The following PEX3 variants were observed in gnomAD, a reference collection of about 807,000 sequenced individuals.
The protein encoded by PEX3 is peroxin-3.
PEX3 carries 30 observed loss-of-function variants against 55.8 expected under a neutral mutation model. The ratio of observed to expected loss-of-function variants is 0.54; its 90% CI spans 0.40 to 0.73. The LOEUF is 0.73. Among genes scored for constraint, PEX3 ranks in the 30% least tolerant of loss-of-function variants. The pLI, the probability that PEX3 is intolerant of heterozygous loss-of-function variation, is 0.00. For missense variants in PEX3, 351 were observed against 432.8 expected (o/e 0.81, Z 1.68); for synonymous variants, 135 against 148.4 (o/e 0.91, Z 0.66).
chr6:143,464,272 A>G lies in PEX3; in HGVS notation c.287+1275A>G, dbSNP rs1318502618. The stretch of plus-strand genomic sequence containing the variant: ...AGTGAATAGCATTTTTATACAAGCA[A>G]CATAATACAGATAAAATAATCGTGG... On this transcript the variant is annotated intron_variant, in intron 3 of 11. Coordinates refer to ENST00000367591, the MANE Select transcript of PEX3 (RefSeq NM_003630.3). This position sits in a 1 kb window ranked among gnomAD's most constrained non-coding sequence, Gnocchi z 5.8. Among the ~76,000 whole-genome samples the G allele has an allele frequency of 6.6e-6, 1 of 152,060 alleles. No individual in the cohort carries two copies. The highest frequency in any genetic ancestry group is 2.4e-5 in the African/African-American group (1 of 41,442).
rs762973381 is a variant in PEX3, at chr6:143,471,442, T to A, written c.516T>A (p.Leu172=). The A allele has an allele frequency of 1.9e-6, 3 of 1,598,946 alleles. No homozygotes were observed. The East Asian group carries it at 6.7e-5, about 36-fold the overall frequency. The part of the protein sequence containing the change: ...QQYLSSIQHL[L]GDGLTELITV... ...ATTTATCAAGTATTCAGCACCTACT[T>A]GGAGATGGTAAGATTCTTATTTGTG... The change falls in exon 6 of 12, where the codon CTT becomes CTA. Residue 172 remains leucine, a synonymous_variant. Transcript: ENST00000367591. This position sits in a 1 kb window ranked among gnomAD's most constrained non-coding sequence, Gnocchi z 5.4.
chr6:143,480,471 T>A (rs1241780340), intron 10 of PEX3, among the ~76,000 whole-genome samples: 2 of 152,224 alleles, frequency 1.3e-5, no homozygotes, highest in Non-Finnish European at 2.9e-5. Flanking sequence ...ATGTACAACC[T>A]ACATGTGCTA....
At chr6:143,455,338 G>A (rs565587779) in intron 1 of PEX3, among the ~76,000 whole-genome samples, 28 of 144,916 alleles carry the variant, frequency 1.9e-4, no homozygotes, top group African/African-American at 3.3e-4. Flanking sequence ...GACTGCAGGC[G>A]CCCGCCACCA....
chr6:143,484,920 GT>G (rs1780292986), intron 10 of PEX3: 2 of 493,740 alleles, frequency 4.1e-6, no homozygotes, highest in Non-Finnish European at 3.7e-6. Flanking sequence ...GAGGTTAGAG[GT>G]TTTTGGTAGA....
intron 8 of PEX3, among the ~76,000 whole-genome samples, chr6:143,472,540 T>A (rs1780088917): frequency 6.6e-6 from 1 of 152,150 alleles, no homozygotes; most frequent in Non-Finnish European, 1.5e-5. Flanking sequence ...TTCAGTACAT[T>A]TTTATTATCA....
intron 10 of PEX3, among the ~76,000 whole-genome samples, chr6:143,480,239 A>C (rs1461340441): frequency 6.6e-6 from 1 of 152,192 alleles, no homozygotes; most frequent in African/African-American, 2.4e-5. Flanking sequence ...GACCAATCCT[A>C]TATACTGTAT....
chr6:143,473,964 A>G (rs1396864246), intron 8 of PEX3, among the ~76,000 whole-genome samples: 1 of 142,348 alleles, frequency 7.0e-6, no homozygotes, highest in African/African-American at 2.6e-5. Flanking sequence ...CTACCCCTAC[A>G]AAAAAAAAAA....
At position 143,459,543 on chromosome 6, in the gene PEX3, T is replaced by C. The variant is rs2128745558; in HGVS notation, c.205+327T>C. On this transcript the variant is annotated intron_variant, in intron 2 of 11. Coordinates refer to ENST00000367591, the MANE Select transcript of PEX3 (RefSeq NM_003630.3). This position sits in a 1 kb window ranked among gnomAD's most constrained non-coding sequence, Gnocchi z 4.2. ...ACAAATAAGTAACTTTAGGCAGTGA[T>C]GGCTGCCATATGGAACATAAAGCCA... is the stretch of plus-strand genomic sequence containing the variant. Among the ~76,000 whole-genome samples the C allele has an allele frequency of 6.6e-6, 1 of 152,326 alleles. No individual in the cohort carries two copies. Among genetic ancestry groups the C allele is most frequent in the African/African-American group, 2.4e-5 (1 of 41,570 alleles).
At chr6:143,469,397 G>A (rs1347056377) in intron 4 of PEX3, among the ~76,000 whole-genome samples, 2 of 152,182 alleles carry the variant, frequency 1.3e-5, no homozygotes, top group Non-Finnish European at 2.9e-5. Flanking sequence ...ATCTCATTGT[G>A]GTTTTGATTT....
rs1268261398 is a variant in PEX3, at chr6:143,454,516, A to C, written c.73+3401A>C. Among the ~76,000 whole-genome samples the C allele has an allele frequency of 2.6e-5, 4 of 152,216 alleles. No homozygotes were observed. The highest frequency in any genetic ancestry group is 7.2e-5 in the African/African-American group (3 of 41,456). ...CTTCACATTTTTTATTCATTCATTCATTCATTCTGTCATTGAACAAACATT... is the reference window on the plus strand; with the variant it reads ...CTTCACATTTTTTATTCATTCATTCCTTCATTCTGTCATTGAACAAACATT... On this transcript the variant is annotated intron_variant, in intron 1 of 11. Transcript: ENST00000367591. The surrounding 1 kb of genome is among the most constrained non-coding windows in gnomAD (Gnocchi z 4.3).
In PEX3 at chr6:143,454,846, T is replaced by A. The variant is rs922788346; in HGVS notation, c.73+3731T>A. On this transcript the variant is annotated intron_variant, in intron 1 of 11. Coordinates refer to ENST00000367591, the MANE Select transcript of PEX3 (RefSeq NM_003630.3). The surrounding 1 kb of genome is among the most constrained non-coding windows in gnomAD (Gnocchi z 4.3). ...TGCTTTTTATGAATGAAACTGTATT[T>A]CACTATGGCTATGCAAATGAGAAGT... is the stretch of plus-strand genomic sequence containing the variant. Among the ~76,000 whole-genome samples, 4 of 152,224 alleles carry A rather than the reference T, an allele frequency of 2.6e-5. No individual in the cohort carries two copies. The highest frequency in any genetic ancestry group is 7.2e-5 in the African/African-American group (3 of 41,456).
In PEX3 at chr6:143,459,832, T is replaced by G. The variant is rs1268344335; in HGVS notation, c.205+616T>G. Among the ~76,000 whole-genome samples, 3 of 152,242 alleles carry G rather than the reference T, an allele frequency of 2.0e-5. No individual in the cohort carries two copies. Among genetic ancestry groups the G allele is most frequent in the African/African-American group, 7.2e-5 (3 of 41,468 alleles). On this transcript the variant is annotated intron_variant, in intron 2 of 11. Transcript: ENST00000367591. The surrounding 1 kb of genome is among the most constrained non-coding windows in gnomAD (Gnocchi z 4.2). ...CCATAGGAAAGAGTCATTAAGTTTA[T>G]TAAATTTACAGTAGGCAACTATAGA...
rs1015203864 is a variant in PEX3, at chr6:143,466,691, C to T, written c.288-1431C>T. Among the ~76,000 whole-genome samples the T allele has an allele frequency of 2.0e-5, 3 of 152,012 alleles. No homozygotes were observed. The highest frequency in any genetic ancestry group is 7.2e-5 in the African/African-American group (3 of 41,502). Reference sequence around the variant, plus strand: ...TACTGTAGTACTATGGAATGATTTCCACAAGATATATTGCTATATTTTTAA... The same window carrying T: ...TACTGTAGTACTATGGAATGATTTCTACAAGATATATTGCTATATTTTTAA... On this transcript the variant is annotated intron_variant, in intron 3 of 11. Coordinates refer to ENST00000367591, the MANE Select transcript of PEX3 (RefSeq NM_003630.3). This position sits in a 1 kb window ranked among gnomAD's most constrained non-coding sequence, Gnocchi z 5.4.
chr6:143,451,239 T>C lies in PEX3; in HGVS notation c.73+124T>C. 1 of 783,492 alleles carries C rather than the reference T, an allele frequency of 1.3e-6. No individual in the cohort carries two copies. Among genetic ancestry groups the C allele is most frequent in the Non-Finnish European group, 2.2e-6 (1 of 446,178 alleles). The allele number at this position is 783,492 out of a possible 1,614,324, so 48.5% of individuals were successfully genotyped here. On this transcript the variant is annotated intron_variant, in intron 1 of 11. Transcript: ENST00000367591. The surrounding 1 kb of genome is among the most constrained non-coding windows in gnomAD (Gnocchi z 4.1). The stretch of plus-strand genomic sequence containing the variant: ...TATGTAGAGGGAGTTCGATCAACCA[T>C]GGGATGAAAAGGGAGGTGGCCAACC...
At chr6:143,455,466 C>G (rs1366951968) in intron 1 of PEX3, among the ~76,000 whole-genome samples, 2 of 149,426 alleles carry the variant, frequency 1.3e-5, no homozygotes, top group Non-Finnish European at 1.5e-5. Context: ...CCGCCCACCT[C>G]GGCCTCCCAA....
In PEX3 at chr6:143,450,889, C is replaced by A; in HGVS notation, c.-154C>A. ...CCACGCCCCCTTGCCGCTCCGGTGA[C>A]AGTCTCTGCGGAAAGTCACGTTTGT... On this transcript the variant is annotated 5_prime_UTR_variant, in exon 1 of 12. Transcript: ENST00000367591. The A allele has an allele frequency of 1.2e-6, 1 of 807,988 alleles. No individual in the cohort carries two copies. Among genetic ancestry groups the A allele is most frequent in the Non-Finnish European group, 2.2e-6 (1 of 454,658 alleles). The allele number at this position is 807,988 out of a possible 1,614,324, so 50.1% of individuals were successfully genotyped here.
chr6:143,471,339 A>T lies in PEX3; in HGVS notation c.457-44A>T, dbSNP rs762883796. 4 of 1,344,390 alleles carry T rather than the reference A, an allele frequency of 3.0e-6. No homozygotes were observed. Among genetic ancestry groups the T allele is most frequent in the Non-Finnish European group, 4.3e-6 (4 of 938,136 alleles). The allele number at this position is 1,344,390 out of a possible 1,614,324, so 83.3% of individuals were successfully genotyped here. A position where few individuals can be genotyped will look rare whatever the true frequency, so the allele number is the denominator to read the frequency against. ...TTATTGAAAACATTTCTTATTTACCAGTTTAAAACTTGGATAATTGAACTG... is the reference window on the plus strand; with the variant it reads ...TTATTGAAAACATTTCTTATTTACCTGTTTAAAACTTGGATAATTGAACTG... On this transcript the variant is annotated intron_variant, in intron 5 of 11. Coordinates refer to ENST00000367591, the MANE Select transcript of PEX3 (RefSeq NM_003630.3). This position sits in a 1 kb window ranked among gnomAD's most constrained non-coding sequence, Gnocchi z 5.4.
Position 143,459,209 on chromosome 6 carries a change from T to G in PEX3, c.198T>G (p.Asn66Lys). The G allele has an allele frequency of 6.2e-7, 1 of 1,612,598 alleles. No individual in the cohort carries two copies. Among genetic ancestry groups the G allele is most frequent in the Non-Finnish European group, 8.5e-7 (1 of 1,178,754 alleles). Residue 66 changes from asparagine (N) to lysine (K), a missense_variant, in exon 2 of 12, where the codon AAT becomes AAG. Coordinates refer to ENST00000367591, the MANE Select transcript of PEX3 (RefSeq NM_003630.3). The surrounding 1 kb of genome is among the most constrained non-coding windows in gnomAD (Gnocchi z 4.2). ...TTGAAAGTAACCAGAGGACTTGCAATATGACAGGTAAGACAGAGAAATATT... is the reference window on the plus strand; with the variant it reads ...TTGAAAGTAACCAGAGGACTTGCAAGATGACAGGTAAGACAGAGAAATATT... ...YHFESNQRTC[N>K]MTVLSMLPTL...
Position 143,475,734 on chromosome 6 carries a change from C to G in PEX3, c.818+878C>G, listed in dbSNP as rs1780142614. ...TCTTCATTGGCAACTGCCTCCCAGGCAATGTTTTATACTCCCATTACTTTA... is the reference window on the plus strand; with the variant it reads ...TCTTCATTGGCAACTGCCTCCCAGGGAATGTTTTATACTCCCATTACTTTA... On this transcript the variant is annotated intron_variant, in intron 9 of 11. Coordinates refer to ENST00000367591, the MANE Select transcript of PEX3 (RefSeq NM_003630.3). This position sits in a 1 kb window ranked among gnomAD's most constrained non-coding sequence, Gnocchi z 4.4. 6.6e-6 allele frequency among the ~76,000 whole-genome samples: 1 copy of G among 152,318 alleles called. No individual in the cohort carries two copies. Among genetic ancestry groups the G allele is most frequent in the South Asian group, 2.1e-4 (1 of 4,820 alleles).
Sources: allele counts gnomAD v4.1 joint callset (sites outside exome capture counted in the v4.1 genomes callset), GRCh38; gene constraint gnomAD v4.1.1; non-coding constraint Gnocchi (gnomAD v3.1); transcripts MANE v1.5; gene names NCBI Gene and HGNC (gene_info 2026-07-23, HGNC 2026-07-21).